ATP2C1: variants seen among roughly 807,000 people sequenced by gnomAD.
ATP2C1 encodes ATPase secretory pathway Ca2+ transporting 1, also known as calcium-transporting ATPase type 2C member 1.
Under a neutral mutation model 120.5 loss-of-function variants are expected in ATP2C1, and 31 were observed. The observed-to-expected ratio is 0.26, with a 90% CI of 0.19 to 0.35. The LOEUF (loss-of-function observed/expected upper bound fraction) is 0.35, where lower values mean the gene tolerates loss of function less well. Among genes scored for constraint, ATP2C1 ranks in the 10% least tolerant of loss-of-function variants. ATP2C1 has a pLI of 1.00. For synonymous variants in ATP2C1, 351 were observed against 358.7 expected, an observed-to-expected ratio of 0.98 and a Z score of 0.24; for missense variants, 731 against 1,107.5, an observed-to-expected ratio of 0.66 and a Z score of 4.83.
chr3:130,965,905 A>AAATG (rs543516458), intron 14 of ATP2C1, among the ~76,000 whole-genome samples: 322 of 152,230 alleles, frequency 2.1e-3, no homozygotes, highest in African/African-American at 7.1e-3. Context: ...AATACTCGAT[A>AAATG]AATGAATGAA....
chr3:130,862,591 G>A (rs954069582), intron 1 of ATP2C1, among the ~76,000 whole-genome samples: 2 of 152,102 alleles, frequency 1.3e-5, no homozygotes, highest in African/African-American at 4.8e-5. Flanking sequence ...CCTAGCTTTT[G>A]GCTCTGTTTC....
At chr3:130,919,670 C>T (rs2058863483) in intron 2 of ATP2C1, among the ~76,000 whole-genome samples, 1 of 152,094 alleles carries the variant, frequency 6.6e-6, no homozygotes, top group South Asian at 2.1e-4. Context: ...TGGTAATATC[C>T]GTTTGAGATC....
At chr3:130,930,584 T>G in intron 3 of ATP2C1, 58 bp downstream of exon 3, 1 of 1,056,626 alleles carries the variant, frequency 9.5e-7, no homozygotes. Flanking sequence ...ACTTAGACTC[T>G]ATAAAACAGT....
At chr3:131,003,432 T>A (rs2062983654), downstream of ATP2C1, among the ~76,000 whole-genome samples, 1 of 152,180 alleles carries the variant, frequency 6.6e-6, no homozygotes, top group Admixed American at 6.5e-5. Context: ...CTAACTTACT[T>A]GATGTTTTTC....
upstream of ATP2C1, among the ~76,000 whole-genome samples, chr3:130,893,739 G>C (rs983674790): frequency 1.3e-5 from 2 of 152,214 alleles, no homozygotes; most frequent in Admixed American, 1.3e-4. Context: ...TGGCCGACAC[G>C]GGGCGTGGGC....
chr3:130,975,301 T>C, intron 17 of ATP2C1, 31 bp from the exon 18 acceptor site: 1 of 1,611,710 alleles, frequency 6.2e-7, no homozygotes, highest in Middle Eastern at 1.8e-4. Context: ...AAGTTGAAAT[T>C]AAACTTGTGT....
chr3:130,949,904 T>C (rs1343067058), intron 8 of ATP2C1, among the ~76,000 whole-genome samples: 2 of 152,150 alleles, frequency 1.3e-5, no homozygotes, highest in Non-Finnish European at 1.5e-5. Flanking sequence ...AAGATTGTTT[T>C]CTGGGGAGAG....
At chr3:131,004,279 A>G (rs1340593328), downstream of ATP2C1, among the ~76,000 whole-genome samples, 4 of 152,242 alleles carry the variant, frequency 2.6e-5, no homozygotes, top group Non-Finnish European at 4.4e-5. Context: ...GCTGATTTGC[A>G]TACTAAAACG....
intron 1 of ATP2C1, among the ~76,000 whole-genome samples, chr3:130,865,928 G>A (rs2068162198): frequency 6.6e-6 from 1 of 152,002 alleles, no homozygotes; most frequent in Non-Finnish European, 1.5e-5. Context: ...TTTTAACTTT[G>A]TTTAATCCCC....
At chr3:130,990,359 C>T (rs1161398252) in intron 20 of ATP2C1, among the ~76,000 whole-genome samples, 1 of 146,932 alleles carries the variant, frequency 6.8e-6, no homozygotes, top group African/African-American at 2.5e-5. Flanking sequence ...GAGGGCCTCA[C>T]TGAGAAGGTA....
chr3:130,881,524 A>G (rs2068781494), intron 1 of ATP2C1, among the ~76,000 whole-genome samples: 1 of 151,992 alleles, frequency 6.6e-6, no homozygotes, highest in Non-Finnish European at 1.5e-5. Context: ...ATGCCCAGCT[A>G]GTTTTTAAGT....
intron 2 of ATP2C1, among the ~76,000 whole-genome samples, chr3:130,910,299 T>C (rs1338664608): frequency 2.0e-5 from 3 of 150,520 alleles, no homozygotes; most frequent in African/African-American, 7.4e-5. Flanking sequence ...ATTGATTTTG[T>C]ATCCTGAGAC....
At chr3:131,015,971 C>A in intron 26 of ATP2C1, 1 of 807,406 alleles carries the variant, frequency 1.2e-6, no homozygotes, top group Non-Finnish European at 2.0e-6. Context: ...TAATATTTTT[C>A]CCGTTTCCAG....
In ATP2C1 at chr3:130,948,552, G is replaced by GCTC. The variant is rs1316429054; in HGVS notation, c.532-5266_532-5264dup. ...GTTTATTATATTTGGATTTCATTGA[G>GCTC]CTCCTTGGTTGTGTAGATTTATGTC... On this transcript the variant is annotated intron_variant, in intron 8 of 27. Transcript: ENST00000510168. Among the ~76,000 whole-genome samples, 4 of 151,966 alleles carry GCTC rather than the reference G, an allele frequency of 2.6e-5. No individual in the cohort carries two copies. The South Asian group carries it at 8.3e-4, about 32-fold the overall frequency.
At chr3:130,942,957 A>C (rs1022658879) in intron 8 of ATP2C1, among the ~76,000 whole-genome samples, 1 of 152,322 alleles carries the variant, frequency 6.6e-6, no homozygotes, top group East Asian at 1.9e-4. Flanking sequence ...CTGCTCTTCC[A>C]GTTGAGAAGC....
chr3:130,951,611 C>T (rs2060370731), intron 8 of ATP2C1, among the ~76,000 whole-genome samples: 1 of 152,030 alleles, frequency 6.6e-6, no homozygotes, highest in Non-Finnish European at 1.5e-5. Context: ...AAATAAAAGT[C>T]AAATAAATAT....
intron 6 of ATP2C1, among the ~76,000 whole-genome samples, chr3:130,937,936 T>G (rs1474765487): frequency 1.3e-5 from 2 of 152,224 alleles, no homozygotes; most frequent in African/African-American, 4.8e-5. Flanking sequence ...CTGTGACTGA[T>G]TCCCTTAGCC....
chr3:130,969,947 T>TA (rs1199521534), intron 17 of ATP2C1, among the ~76,000 whole-genome samples: 2 of 152,232 alleles, frequency 1.3e-5, no homozygotes, highest in East Asian at 3.8e-4. Context: ...ATAAGAGTTC[T>TA]GAATTATCTA....
intron 2 of ATP2C1, among the ~76,000 whole-genome samples, chr3:130,923,218 T>C (rs2059044040): frequency 6.6e-6 from 1 of 152,010 alleles, no homozygotes; most frequent in Non-Finnish European, 1.5e-5. Context: ...ATAATATCCC[T>C]CTTTGTCTTT....
Sources: gnomAD v4.1 joint callset for allele counts (sites outside exome capture counted in the v4.1 genomes callset) on GRCh38, gnomAD v4.1.1 for gene constraint, MANE v1.5 for transcripts, NCBI Gene and HGNC (gene_info 2026-07-23, HGNC 2026-07-21) for gene names.